Variants in ASAP3 observed in about 807,000 individuals in gnomAD.
ASAP3 encodes the protein ArfGAP with SH3 domain, ankyrin repeat and PH domain 3, also known as arf-GAP with SH3 domain, ANK repeat and PH domain-containing protein 3.
Under a neutral mutation model 118.2 loss-of-function variants are expected in ASAP3, and 85 were observed. The observed-to-expected ratio is 0.72, with a 90% CI of 0.60 to 0.86. ASAP3 has a LOEUF of 0.86. ASAP3 is among the 40% of genes least tolerant of loss of function. The pLI is 0.00. For synonymous variants in ASAP3, 432 were observed against 477.4 expected, an observed-to-expected ratio of 0.90 and a Z score of 1.24; for missense variants, 1,026 against 1,175.0, an observed-to-expected ratio of 0.87 and a Z score of 1.85.
rs778291824 is a variant in ASAP3, at chr1:23,431,877, T to C, written c.2365A>G (p.Thr789Ala). The change falls in exon 23 of 25, where the codon ACC becomes GCC. Residue 789 changes from threonine to alanine, a missense_variant. Thr to Ala is a moderately conservative substitution (Grantham distance 58). Coordinates refer to ENST00000336689, the MANE Select transcript of ASAP3 (RefSeq NM_017707.4). ...GCTGGACTGCCCAGGCTCTCAGGGG[T>C]CTCAGGGGCCTCTGAACTCAGGCTG... ...VSSLSSEAPE[T>A]PESLGSPASS... is the part of the protein sequence containing the mutation. 5.6e-6 allele frequency: 9 copies of C among 1,607,322 alleles called. No individual in the cohort carries two copies. The highest frequency in any genetic ancestry group is 7.6e-6 in the Non-Finnish European group (9 of 1,178,008).
intron 22 of ASAP3, 28 bp from the exon 23 acceptor site, chr1:23,431,946 A>G (rs1454568045): frequency 6.2e-7 from 1 of 1,604,498 alleles, no homozygotes; most frequent in African/African-American, 1.3e-5. Flanking sequence ...AGAAATGATA[A>G]AGCTTTTCTT....
chr1:23,433,306 C>T (rs373701351), intron 21 of ASAP3, 34 bp from the exon 22 acceptor site: 4 of 1,605,562 alleles, frequency 2.5e-6, no homozygotes, highest in Non-Finnish European at 3.4e-6. Flanking sequence ...TGAGGACAGC[C>T]TGGTTCCTCC....
intron 1 of ASAP3, among the ~76,000 whole-genome samples, chr1:23,473,345 T>C (rs1306857621): frequency 6.6e-6 from 1 of 152,162 alleles, no homozygotes; most frequent in Non-Finnish European, 1.5e-5. Flanking sequence ...TAGAGAACCT[T>C]CAGCAGCTGT....
chr1:23,434,679 T>C, intron 17 of ASAP3, 61 bp from the exon 18 acceptor site: 1 of 1,524,228 alleles, frequency 6.6e-7, no homozygotes, highest in South Asian at 1.2e-5. Context: ...CAACCCAGTA[T>C]TTCCCTCTTG....
At position 23,436,144 on chromosome 1, in the gene ASAP3, G is replaced by C. The variant is rs1640645951; in HGVS notation, c.1572-116C>G. ...TTCTCCAGAACCATGTCCTGAAGAC[G>C]TCTAGATCTGAGGCTCCCCTCTCCC... is the stretch of plus-strand genomic sequence containing the variant. On this transcript the variant is annotated intron_variant, in intron 16 of 24. Transcript: ENST00000336689. The surrounding 1 kb of genome is among the most constrained non-coding windows in gnomAD (Gnocchi z 4.2). The C allele has an allele frequency of 2.6e-6, 3 of 1,175,364 alleles. No homozygotes were observed. The highest frequency in any genetic ancestry group is 2.4e-6 in the Non-Finnish European group (2 of 827,066). 72.8% of individuals were successfully genotyped at this position (1,175,364 alleles called of 1,614,324 possible). A position where few individuals can be genotyped will look rare whatever the true frequency, so the allele number is the denominator to read the frequency against.
intron 1 of ASAP3, among the ~76,000 whole-genome samples, chr1:23,478,624 G>C (rs1311071619): frequency 6.6e-6 from 1 of 151,974 alleles, no homozygotes. Context: ...TCCGGGCGTG[G>C]TGGTGGGCAC....
Position 23,429,928 on chromosome 1 carries a change from A to C in ASAP3, c.2640T>G (p.Val880=), listed in dbSNP as rs760086088. The C allele has an allele frequency of 4.7e-5, 76 of 1,613,574 alleles. No individual in the cohort carries two copies. The highest frequency in any genetic ancestry group is 6.2e-5 in the Non-Finnish European group (73 of 1,179,778). Residue 880 remains valine, a splice_region_variant and synonymous_variant, in exon 25 of 25, where the codon GTT becomes GTG. Coordinates refer to ENST00000336689, the MANE Select transcript of ASAP3 (RefSeq NM_017707.4). ...TTGAGCCATCTCCTTCAGTGATGCC[A>C]ACCTGCAGAAAGAAGGATGAAACTG... ...RQPLPRRNVP[V]GITEGDGSRT... is the part of the protein sequence containing the mutation.
chr1:23,466,914 C>T (rs1008568330), intron 1 of ASAP3, among the ~76,000 whole-genome samples: 1 of 152,140 alleles, frequency 6.6e-6, no homozygotes, highest in African/African-American at 2.4e-5. Flanking sequence ...GTAGCCCAGG[C>T]TGGAGTGCAG....
At chr1:23,477,859 T>C (rs941687922) in intron 1 of ASAP3, among the ~76,000 whole-genome samples, 8 of 152,134 alleles carry the variant, frequency 5.3e-5, no homozygotes, top group African/African-American at 1.9e-4. Context: ...CATTCAGGCA[T>C]AAGCCACTGC....
At chr1:23,478,013 C>T (rs1323562766) in intron 1 of ASAP3, among the ~76,000 whole-genome samples, 1 of 152,218 alleles carries the variant, frequency 6.6e-6, no homozygotes, top group Non-Finnish European at 1.5e-5. Flanking sequence ...AGCAGTCCCC[C>T]AGGCACTATG....
At chr1:23,451,078 T>C (rs765535221) in intron 5 of ASAP3, among the ~76,000 whole-genome samples, 13 of 152,226 alleles carry the variant, frequency 8.5e-5, no homozygotes, top group Non-Finnish European at 1.6e-4. Context: ...CTGTGGGGCC[T>C]TGGGCAAGTG....
At chr1:23,431,584 G>C in intron 23 of ASAP3, 112 bp downstream of exon 23, 1 of 1,039,620 alleles carries the variant, frequency 9.6e-7, no homozygotes, top group Admixed American at 2.7e-5. Flanking sequence ...TGGGCCCAGA[G>C]ATGGCGTGTG....
intron 18 of ASAP3, 66 bp downstream of exon 18, chr1:23,434,467 T>C: frequency 3.1e-6 from 5 of 1,596,838 alleles, no homozygotes; most frequent in Non-Finnish European, 4.3e-6. Context: ...GGGAAGAGAA[T>C]GGGAGAAGAG....
intron 1 of ASAP3, among the ~76,000 whole-genome samples, chr1:23,470,940 T>C (rs968518145): frequency 3.9e-5 from 6 of 152,154 alleles, no homozygotes; most frequent in African/African-American, 7.2e-5. Context: ...AGAACTTTGC[T>C]GGACTAACCG....
chr1:23,471,605 A>C (rs746441379), intron 1 of ASAP3, among the ~76,000 whole-genome samples: 2 of 152,216 alleles, frequency 1.3e-5, no homozygotes, highest in Non-Finnish European at 2.9e-5. Context: ...TTCAAGTCAT[A>C]CTGTCCTAAA....
chr1:23,468,109 G>A (rs563072734), intron 1 of ASAP3, among the ~76,000 whole-genome samples: 12 of 152,184 alleles, frequency 7.9e-5, no homozygotes, highest in African/African-American at 2.7e-4. Context: ...ATGAGTCAGC[G>A]AGGCACAGAA....
intron 18 of ASAP3, 47 bp downstream of exon 18, chr1:23,434,486 G>A (rs1640561917): frequency 1.9e-6 from 3 of 1,608,318 alleles, no homozygotes; most frequent in Non-Finnish European, 2.6e-6. Context: ...AGGAAGGAAA[G>A]GAGAGGGAGT....
intron 5 of ASAP3, among the ~76,000 whole-genome samples, chr1:23,447,793 A>G (rs1035989632): frequency 2.0e-5 from 3 of 152,234 alleles, no homozygotes; most frequent in African/African-American, 7.2e-5. Context: ...CTCAAGGTGT[A>G]GATAAGCCGT....
At chr1:23,458,786 T>A (rs1641474174) in intron 1 of ASAP3, among the ~76,000 whole-genome samples, 1 of 151,792 alleles carries the variant, frequency 6.6e-6, no homozygotes, top group East Asian at 1.9e-4. Context: ...GTTTACCAAA[T>A]CCCTTGATCC....
Sources: gnomAD v4.1 joint callset for allele counts (sites outside exome capture counted in the v4.1 genomes callset) on GRCh38, gnomAD v4.1.1 for gene constraint, Gnocchi (gnomAD v3.1) non-coding constraint, MANE v1.5 for transcripts, NCBI Gene and HGNC (gene_info 2026-07-23, HGNC 2026-07-21) for gene names.